Variants in SGSM1 observed in about 807,000 individuals in gnomAD.
The protein encoded by SGSM1 is RUN and TBC1 domain containing 2.
A neutral mutation model predicts 133.8 loss-of-function variants in SGSM1; 73 were observed. The observed-to-expected ratio is 0.55, with a 90% CI of 0.45 to 0.66. SGSM1 has a LOEUF of 0.66. Ranked by LOEUF, SGSM1 falls within the 30% of genes least tolerant of loss-of-function variation. SGSM1 has a pLI of 0.00. For missense variants in SGSM1, 1,213 were observed against 1,448.1 expected (o/e 0.84, Z 2.64); for synonymous variants, 563 against 573.0 (o/e 0.98, Z 0.25).
intron 2 of SGSM1, among the ~76,000 whole-genome samples, chr22:24,834,988 G>A (rs1301207420): frequency 6.6e-6 from 1 of 151,962 alleles, no homozygotes; most frequent in Admixed American, 6.6e-5. Flanking sequence ...TGCAAACTGC[G>A]ACTCACTCAA....
intron 2 of SGSM1, among the ~76,000 whole-genome samples, chr22:24,817,434 C>A (rs184019015): frequency 1.3e-5 from 2 of 151,734 alleles, no homozygotes; most frequent in Non-Finnish European, 2.9e-5. Context: ...CTCCCTGCAA[C>A]CTCCGCCTCC....
intron 2 of SGSM1, among the ~76,000 whole-genome samples, chr22:24,815,457 G>C (rs932367821): frequency 4.6e-5 from 7 of 152,324 alleles, no homozygotes; most frequent in Middle Eastern, 3.4e-3. Flanking sequence ...ACTGGAATTA[G>C]AGGGGCTGGG....
chr22:24,897,980 GTC>G lies in SGSM1; in HGVS notation c.2033_2034del (p.Ser678CysfsTer3). On this transcript the variant is annotated frameshift_variant, in exon 19 of 25. Transcript: ENST00000400358. LOFTEE classifies it high-confidence loss of function. Reference protein sequence around the residue: ...DSSSSTQVFESVDEVEQVEAE... With the variant: ...DSSSSTQVFEXVDEVEQVEAE... ...GTGCACCTTGTCCTCAGGTGTTTGA[GTC>G]TGTGGATGAGGTGGAGCAGGTGGAG... is the stretch of plus-strand genomic sequence containing the variant. 1.3e-6 allele frequency: 2 copies of G among 1,596,768 alleles called. No homozygotes were observed. The highest frequency in any genetic ancestry group is 1.7e-6 in the Non-Finnish European group (2 of 1,171,620).
In SGSM1 at chr22:24,898,413, A is replaced by T; in HGVS notation, c.2464A>T (p.Thr822Ser). The T allele has an allele frequency of 6.2e-7, 1 of 1,613,862 alleles. No homozygotes were observed. The highest frequency in any genetic ancestry group is 8.5e-7 in the Non-Finnish European group (1 of 1,179,856). Residue 822 changes from threonine to serine, a missense_variant, in exon 19 of 25, where the codon ACA (threonine) becomes TCA (serine). Thr to Ser is a moderately conservative substitution (Grantham distance 58, BLOSUM62 1). Transcript: ENST00000400358. ...GATGGAGGGCTGGAGGAGCAGCGAG[A>T]CAGAGAAACATGGCCAGGCGGACAG... ...VVMEGWRSSE[T>S]EKHGQADSED...
intron 2 of SGSM1, among the ~76,000 whole-genome samples, chr22:24,826,697 GC>G (rs1335997095): frequency 3.3e-5 from 5 of 152,136 alleles, no homozygotes; most frequent in African/African-American, 4.8e-5. Flanking sequence ...CAGGTGTGAG[GC>G]CCTGTTTTAG....
intron 21 of SGSM1, among the ~76,000 whole-genome samples, chr22:24,908,146 A>G (rs780029940): frequency 8.5e-5 from 13 of 152,114 alleles, no homozygotes; most frequent in Non-Finnish European, 1.6e-4. Context: ...TTATGGTGCA[A>G]GAACTACTGG....
intron 5 of SGSM1, among the ~76,000 whole-genome samples, chr22:24,854,283 G>A (rs1930649348): frequency 1.3e-5 from 2 of 152,198 alleles, no homozygotes; most frequent in Admixed American, 6.5e-5. Flanking sequence ...ACGCACTGCT[G>A]CTAAACAGCA....
chr22:24,853,193 C>T (rs1052580030), intron 5 of SGSM1, among the ~76,000 whole-genome samples: 2 of 152,214 alleles, frequency 1.3e-5, no homozygotes, highest in Non-Finnish European at 2.9e-5. Context: ...GCTGGGCTCC[C>T]ACCCACTCTG....
Position 24,915,579 on chromosome 22 carries a change from G to A in SGSM1, c.2929-2079G>A, listed in dbSNP as rs150424569. The stretch of plus-strand genomic sequence containing the variant: ...TAATTTTTGTGGGTACATAATAGGT[G>A]TATATATATGTGGAGTACATGAGTT... On this transcript the variant is annotated intron_variant, in intron 22 of 24. Transcript: ENST00000400358. Among the ~76,000 whole-genome samples the A allele has an allele frequency of 5.1e-4, 77 of 152,240 alleles. 1 individual carries two copies. Among genetic ancestry groups the A allele is most frequent in the Middle Eastern group, 3.4e-3 (1 of 294 alleles).
Position 24,889,280 on chromosome 22 carries a change from G to T in SGSM1, c.1770+2552G>T, listed in dbSNP as rs529291462. 7.2e-5 allele frequency among the ~76,000 whole-genome samples: 11 copies of T among 151,876 alleles called. 1 individual carries two copies. In the South Asian group the frequency reaches 2.1e-3, roughly 29 times the overall value. On this transcript the variant is annotated intron_variant, in intron 16 of 24. Transcript: ENST00000400358. ...CGGCCCTCATAGTCACATTTTAAAAGTAAAAAGAAACAGATGCAATTCATA... is the reference window on the plus strand; with the variant it reads ...CGGCCCTCATAGTCACATTTTAAAATTAAAAAGAAACAGATGCAATTCATA...
chr22:24,860,189 G>A (rs926145862), intron 9 of SGSM1, among the ~76,000 whole-genome samples: 5 of 152,308 alleles, frequency 3.3e-5, no homozygotes, highest in Admixed American at 1.3e-4. Context: ...CAATAAAAAG[G>A]GAAGGCAGGA....
intron 13 of SGSM1, 94 bp from the exon 14 acceptor site, chr22:24,879,368 C>T: frequency 8.5e-7 from 1 of 1,181,084 alleles, no homozygotes; most frequent in Non-Finnish European, 1.2e-6. Flanking sequence ...TGATATTAAT[C>T]TGCCCTCTAG....
In SGSM1 at chr22:24,893,289, T is replaced by C. The variant is rs1216849725; in HGVS notation, c.1771-142T>C. 3 of 799,396 alleles carry C rather than the reference T, an allele frequency of 3.8e-6. No homozygotes were observed. In the African/African-American group the frequency reaches 5.2e-5, roughly 14 times the overall value. The allele number at this position is 799,396 out of a possible 1,614,324, so 49.5% of individuals were successfully genotyped here. A position where few individuals can be genotyped will look rare whatever the true frequency, so the allele number is the denominator to read the frequency against. ...AGCCTAACCAGTGCTAGGCATAGCA[T>C]AGTAGGTGCTCAGTTAATATCTGCT... On this transcript the variant is annotated intron_variant, in intron 16 of 24. Coordinates refer to ENST00000400358, the MANE Select transcript of SGSM1 (RefSeq NM_001098497.3).
chr22:24,898,190 G>A lies in SGSM1; in HGVS notation c.2241G>A (p.Thr747=), dbSNP rs200026806. 78 of 1,613,878 alleles carry A rather than the reference G, an allele frequency of 4.8e-5. No individual in the cohort carries two copies. Among genetic ancestry groups the A allele is most frequent in the African/African-American group, 2.7e-4 (20 of 75,024 alleles). Residue 747 remains threonine (T), a synonymous_variant, in exon 19 of 25, where the codon ACG becomes ACA. Coordinates refer to ENST00000400358, the MANE Select transcript of SGSM1 (RefSeq NM_001098497.3). ...SVLDAQRNTP[T]VLRPRDGSVD... ...TGGACGCCCAGCGGAACACCCCCAC[G>A]GTGCTGCGACCTAGGGATGGCAGCG... is the stretch of plus-strand genomic sequence containing the variant.
chr22:24,904,318 C>A (rs1018550544), intron 20 of SGSM1, among the ~76,000 whole-genome samples: 1 of 152,036 alleles, frequency 6.6e-6, no homozygotes, highest in Non-Finnish European at 1.5e-5. Flanking sequence ...CAGTGTCTCA[C>A]GCCTGTAATC....
intron 2 of SGSM1, among the ~76,000 whole-genome samples, chr22:24,814,562 A>G (rs573928565): frequency 1.1e-4 from 16 of 151,876 alleles, no homozygotes; most frequent in African/African-American, 3.9e-4. Context: ...GAAGGCCACA[A>G]CAGCAAGGGC....
At chr22:24,838,929 C>CAAAAAAAAAAAAAA (rs139655) in intron 2 of SGSM1, among the ~76,000 whole-genome samples, 1 of 147,012 alleles carries the variant, frequency 6.8e-6, no homozygotes, top group Non-Finnish European at 1.5e-5. Flanking sequence ...TATGTTTCTG[C>CAAAAAAAAAAAAAA]AAAAAAAAAA....
chr22:24,900,065 G>A (rs1405779978), intron 19 of SGSM1, among the ~76,000 whole-genome samples: 2 of 143,648 alleles, frequency 1.4e-5, no homozygotes, highest in Non-Finnish European at 3.0e-5. Flanking sequence ...CCTTCTGTGC[G>A]TGATTTGGAG....
chr22:24,910,384 T>C (rs546491013), intron 21 of SGSM1, among the ~76,000 whole-genome samples: 1 of 152,276 alleles, frequency 6.6e-6, no homozygotes, highest in African/African-American at 2.4e-5. Flanking sequence ...CTGGGTGCAA[T>C]GGCTCACACC....
Sources: allele counts gnomAD v4.1 joint callset (sites outside exome capture counted in the v4.1 genomes callset), GRCh38; gene constraint gnomAD v4.1.1; transcripts MANE v1.5; gene names NCBI Gene and HGNC (gene_info 2026-07-23, HGNC 2026-07-21).